AGK: variants seen among roughly 807,000 people sequenced by gnomAD.
AGK encodes the protein acylglycerol kinase, also known as acylglycerol kinase, mitochondrial.
AGK carries 52 observed loss-of-function variants against 66.4 expected under a neutral mutation model. That is an observed-to-expected ratio of 0.78 (90% confidence interval 0.63 to 0.99). AGK has a LOEUF of 0.99. AGK is among the 50% of genes least tolerant of loss of function. AGK has a pLI of 0.00. For missense variants in AGK, 451 were observed against 506.6 expected, an observed-to-expected ratio of 0.89 and a Z score of 1.05; for synonymous variants, 182 against 181.1, an observed-to-expected ratio of 1.00 and a Z score of -0.04.
At chr7:141,586,862 C>T (rs1001008086) in intron 2 of AGK, among the ~76,000 whole-genome samples, 5 of 152,178 alleles carry the variant, frequency 3.3e-5, no homozygotes, top group African/African-American at 1.2e-4. Context: ...TTGGTATTCT[C>T]TGTCAACTGT....
chr7:141,599,276 T>C (rs1464398060), intron 4 of AGK: 1 of 152,286 alleles, frequency 6.6e-6, no homozygotes, highest in East Asian at 1.9e-4. Flanking sequence ...ACTGTGTGTT[T>C]AGCATTAATA....
chr7:141,563,719 G>A (rs866021843), intron 2 of AGK, among the ~76,000 whole-genome samples: 3 of 152,102 alleles, frequency 2.0e-5, no homozygotes, highest in South Asian at 2.1e-4. Context: ...CTGTCATTAC[G>A]GCCTTCTATT....
intron 5 of AGK, among the ~76,000 whole-genome samples, chr7:141,609,257 G>A (rs569600468): frequency 6.6e-6 from 1 of 152,238 alleles, no homozygotes; most frequent in African/African-American, 2.4e-5. Flanking sequence ...CCTGGAGTTA[G>A]TGCAGACTCC....
chr7:141,580,651 T>C (rs554874122), intron 2 of AGK, among the ~76,000 whole-genome samples: 25 of 151,972 alleles, frequency 1.6e-4, no homozygotes, highest in South Asian at 6.2e-4. Context: ...GAGTTGAGCA[T>C]AGTTTGTGAT....
At chr7:141,628,479 TA>T (rs1796987622) in intron 9 of AGK, among the ~76,000 whole-genome samples, 1 of 152,230 alleles carries the variant, frequency 6.6e-6, no homozygotes, top group South Asian at 2.1e-4. Flanking sequence ...GCATTATAGA[TA>T]AAGCCTGATA....
chr7:141,635,204 G>T (rs979780051), intron 10 of AGK, among the ~76,000 whole-genome samples: 1 of 152,166 alleles, frequency 6.6e-6, no homozygotes, highest in African/African-American at 2.4e-5. Flanking sequence ...TCTGCACAAA[G>T]AATTTTAAAA....
chr7:141,641,163 GACAAATAAATAACTTTT>G, intron 11 of AGK, 68 bp from the exon 12 acceptor site: 2 of 1,305,404 alleles, frequency 1.5e-6, no homozygotes, highest in Admixed American at 4.3e-5. Context: ...GGTATAGGTA[GACAAATAAATAACTTTT>G]GCAGAGAGAA....
chr7:141,623,533 ACT>A (rs1796872611), intron 9 of AGK, among the ~76,000 whole-genome samples: 1 of 152,218 alleles, frequency 6.6e-6, no homozygotes, highest in African/African-American at 2.4e-5. Flanking sequence ...CAAGGCCCTA[ACT>A]CTCTCCAATT....
Position 141,605,184 on chromosome 7 carries a change from A to T in AGK, c.297+3904A>T, listed in dbSNP as rs188792940. 2.0e-3 allele frequency among the ~76,000 whole-genome samples: 310 copies of T among 152,280 alleles called. 2 individuals carry two copies. Among genetic ancestry groups the T allele is most frequent in the African/African-American group, 7.1e-3 (297 of 41,558 alleles). On this transcript the variant is annotated intron_variant, in intron 5 of 15. Coordinates refer to ENST00000649286, the MANE Select transcript of AGK (RefSeq NM_018238.4). Reference sequence around the variant, plus strand: ...ACGCATTTCGGTTACTTATGTAAGGACTAGCCTAAAGTTATGGATTCTCAG... The same window carrying T: ...ACGCATTTCGGTTACTTATGTAAGGTCTAGCCTAAAGTTATGGATTCTCAG...
At chr7:141,646,639 T>C (rs867251370) in intron 13 of AGK, among the ~76,000 whole-genome samples, 1 of 152,152 alleles carries the variant, frequency 6.6e-6, no homozygotes, top group Non-Finnish European at 1.5e-5. Flanking sequence ...GCCTTGAAGC[T>C]AACAATATTT....
chr7:141,574,526 G>C (rs1230637466), intron 2 of AGK, among the ~76,000 whole-genome samples: 1 of 152,170 alleles, frequency 6.6e-6, no homozygotes, highest in Non-Finnish European at 1.5e-5. Flanking sequence ...ATGAAGACAG[G>C]CTTCCTCCAC....
chr7:141,634,045 A>G, intron 10 of AGK, 65 bp downstream of exon 10: 1 of 1,368,908 alleles, frequency 7.3e-7, no homozygotes, highest in Non-Finnish European at 1.0e-6. Context: ...CCTGCCTTTC[A>G]GGTTTTAATT....
chr7:141,630,739 G>T (rs1286376993), intron 9 of AGK, among the ~76,000 whole-genome samples: 3 of 152,062 alleles, frequency 2.0e-5, no homozygotes, highest in African/African-American at 7.2e-5. Context: ...CATTAAGTGG[G>T]ATTTAATTTA....
At chr7:141,609,937 G>A (rs1392832839) in intron 5 of AGK, among the ~76,000 whole-genome samples, 1 of 151,476 alleles carries the variant, frequency 6.6e-6, no homozygotes, top group Non-Finnish European at 1.5e-5. Context: ...ACATACATAT[G>A]TATATATATG....
intron 4 of AGK, among the ~76,000 whole-genome samples, chr7:141,597,916 A>AAAAG (rs1215421987): frequency 1.3e-5 from 2 of 149,330 alleles, no homozygotes; most frequent in Non-Finnish European, 3.0e-5. Flanking sequence ...AAAAAAAAAA[A>AAAAG]AAAGAAAGAA....
intron 14 of AGK, among the ~76,000 whole-genome samples, chr7:141,650,993 G>A (rs923428663): frequency 6.6e-6 from 1 of 152,186 alleles, no homozygotes; most frequent in African/African-American, 2.4e-5. Flanking sequence ...CAGTACAGGT[G>A]CAAAAATATG....
chr7:141,554,872 T>A (rs1229569553), intron 1 of AGK, among the ~76,000 whole-genome samples: 1 of 152,242 alleles, frequency 6.6e-6, no homozygotes, highest in Non-Finnish European at 1.5e-5. Flanking sequence ...TTCTTTGTAA[T>A]ATGCATGTCT....
At chr7:141,639,101 AAAGT>A (rs991119987) in intron 11 of AGK, among the ~76,000 whole-genome samples, 21 of 152,226 alleles carry the variant, frequency 1.4e-4, no homozygotes, top group Admixed American at 5.2e-4. Context: ...TTTCAAGAAA[AAAGT>A]AAGAGTTTCG....
rs1229509249 is a variant in AGK, at chr7:141,633,932, C to T, written c.620C>T (p.Thr207Ile). 6.2e-7 allele frequency: 1 copy of T among 1,613,982 alleles called. No homozygotes were observed. Among genetic ancestry groups the T allele is most frequent in the Non-Finnish European group, 8.5e-7 (1 of 1,179,894 alleles). The change falls in exon 10 of 16, where the codon ACC becomes ATC. Residue 207 changes from threonine (T) to isoleucine (I), a missense_variant. Thr to Ile is a moderately conservative substitution (Grantham distance 89, BLOSUM62 -1). Transcript: ENST00000649286. Reference protein sequence around the residue: ...GEKEQPVFAMTGLRWGSFRDA... With the variant: ...GEKEQPVFAMIGLRWGSFRDA... ...AAGGAACAGCCTGTATTTGCAATGACCGGCCTTCGATGGGGATCTTTCAGA... is the reference window on the plus strand; with the variant it reads ...AAGGAACAGCCTGTATTTGCAATGATCGGCCTTCGATGGGGATCTTTCAGA...
Sources: allele counts gnomAD v4.1 joint callset (sites outside exome capture counted in the v4.1 genomes callset), GRCh38; gene constraint gnomAD v4.1.1; transcripts MANE v1.5; gene names NCBI Gene and HGNC (gene_info 2026-07-23, HGNC 2026-07-21).